Variants in EPS15 observed in about 807,000 individuals in gnomAD.
EPS15 encodes the protein epidermal growth factor receptor substrate 15.
EPS15 carries 72 observed loss-of-function variants against 113.8 expected under a neutral mutation model. The ratio of observed to expected loss-of-function variants is 0.63; its 90% CI spans 0.52 to 0.77. The LOEUF (loss-of-function observed/expected upper bound fraction) is 0.77. Ranked by LOEUF, EPS15 falls within the 30% of genes least tolerant of loss-of-function variation. The pLI is 0.00. For synonymous variants in EPS15, 344 were observed against 363.4 expected, an observed-to-expected ratio of 0.95 and a Z score of 0.61; for missense variants, 1,048 against 1,045.8, an observed-to-expected ratio of 1.00 and a Z score of -0.03.
chr1:51,511,218 G>A (rs1218682972), intron 1 of EPS15, among the ~76,000 whole-genome samples: 3 of 151,492 alleles, frequency 2.0e-5, no homozygotes, highest in African/African-American at 7.3e-5. Flanking sequence ...GATTTGGCCG[G>A]GCGCAGTGGC....
chr1:51,455,217 C>G (rs940942069), intron 8 of EPS15, among the ~76,000 whole-genome samples: 1 of 152,304 alleles, frequency 6.6e-6, no homozygotes, highest in South Asian at 2.1e-4. Context: ...TAAACTTTAA[C>G]ATAATTATCA....
chr1:51,412,214 G>T (rs1046158491), intron 13 of EPS15, among the ~76,000 whole-genome samples: 1 of 152,256 alleles, frequency 6.6e-6, no homozygotes, highest in Non-Finnish European at 1.5e-5. Context: ...GTCGGGAGGT[G>T]GGGGACAAGG....
chr1:51,409,451 CA>C (rs1649482964), intron 14 of EPS15, 83 bp downstream of exon 14: 1 of 1,341,998 alleles, frequency 7.5e-7, no homozygotes. Flanking sequence ...CCATCAATAA[CA>C]AAAAGTAGAG....
intron 21 of EPS15, among the ~76,000 whole-genome samples, chr1:51,381,465 C>T (rs914907958): frequency 5.9e-5 from 9 of 152,036 alleles, no homozygotes; most frequent in East Asian, 5.8e-4. Context: ...TGGTGGTGGG[C>T]GCCTATAGTC....
At chr1:51,460,583 C>G (rs1313510375) in intron 8 of EPS15, among the ~76,000 whole-genome samples, 2 of 151,852 alleles carry the variant, frequency 1.3e-5, no homozygotes, top group East Asian at 3.9e-4. Flanking sequence ...TACCTTAAAG[C>G]CAAATAAAAT....
chr1:51,516,933 A>G (rs1228670060), intron 1 of EPS15, among the ~76,000 whole-genome samples: 1 of 152,210 alleles, frequency 6.6e-6, no homozygotes, highest in African/African-American at 2.4e-5. Flanking sequence ...TCACTTGAGT[A>G]TGCCTATGTC....
chr1:51,494,458 C>T (rs1324350447), intron 1 of EPS15, among the ~76,000 whole-genome samples: 1 of 152,224 alleles, frequency 6.6e-6, no homozygotes, highest in African/African-American at 2.4e-5. Context: ...AATTCCCTTG[C>T]TCCTCTTGTC....
intron 20 of EPS15, among the ~76,000 whole-genome samples, chr1:51,394,903 G>T (rs1647774355): frequency 6.6e-6 from 1 of 152,064 alleles, no homozygotes; most frequent in South Asian, 2.1e-4. Flanking sequence ...TGTCACCCCA[G>T]CTGGAATGCA....
chr1:51,413,289 G>T (rs1376996300), intron 13 of EPS15, among the ~76,000 whole-genome samples: 2 of 152,126 alleles, frequency 1.3e-5, no homozygotes, highest in Non-Finnish European at 1.5e-5. Context: ...TCTACTGTTT[G>T]TTCCTAACCT....
At chr1:51,404,083 A>AC (rs544665183) in intron 16 of EPS15, among the ~76,000 whole-genome samples, 26 of 152,268 alleles carry the variant, frequency 1.7e-4, no homozygotes, top group African/African-American at 5.5e-4. Context: ...GCAGTGGCTC[A>AC]CACCTGTAAT....
chr1:51,443,801 C>T (rs931012049), intron 11 of EPS15, among the ~76,000 whole-genome samples: 4 of 151,732 alleles, frequency 2.6e-5, no homozygotes, highest in African/African-American at 4.8e-5. Flanking sequence ...TACAGGTACA[C>T]GCCAACGCAC....
At chr1:51,428,088 T>A (rs1651377734) in intron 12 of EPS15, among the ~76,000 whole-genome samples, 1 of 151,790 alleles carries the variant, frequency 6.6e-6, no homozygotes, top group Non-Finnish European at 1.5e-5. Context: ...ATGATATATT[T>A]AAAGTGCTGG....
rs1157201877 is a variant in EPS15, at chr1:51,518,772, G to T, written c.33+427C>A. Among the ~76,000 whole-genome samples, 6 of 151,964 alleles carry T rather than the reference G, an allele frequency of 3.9e-5. No homozygotes were observed. The East Asian group carries it at 1.2e-3, about 29-fold the overall frequency. ...GCAGCCGGCCTGGCGGGCGAGCCTC[G>T]TGCGGCCCGGGGGTGCGGCCGGCCC... On this transcript the variant is annotated intron_variant, in intron 1 of 24. Transcript: ENST00000371733.
intron 3 of EPS15, among the ~76,000 whole-genome samples, chr1:51,472,256 TC>T (rs1655296399): frequency 6.6e-6 from 1 of 152,186 alleles, no homozygotes; most frequent in Non-Finnish European, 1.5e-5. Flanking sequence ...TTTTCATTAA[TC>T]CAAGTTCTAA....
intron 1 of EPS15, among the ~76,000 whole-genome samples, chr1:51,514,789 T>C (rs1327857053): frequency 1.3e-5 from 2 of 152,226 alleles, no homozygotes; most frequent in Non-Finnish European, 2.9e-5. Context: ...TCCCAAGTGC[T>C]GAACATTTCA....
chr1:51,519,090 G>A (rs1644792135), intron 1 of EPS15, 109 bp downstream of exon 1: 2 of 726,006 alleles, frequency 2.8e-6, no homozygotes, highest in Admixed American at 4.2e-5. Flanking sequence ...CGGCCCACAA[G>A]CCAAGAAGCT....
At position 51,354,888 on chromosome 1, in the gene EPS15, C is replaced by T. The variant is rs1646186555; in HGVS notation, c.*1812G>A. 1 of 202,424 alleles carries T rather than the reference C, an allele frequency of 4.9e-6. No individual in the cohort carries two copies. The highest frequency in any genetic ancestry group is 7.6e-5 in the East Asian group (1 of 13,140). 12.5% of individuals were successfully genotyped at this position (202,424 alleles called of 1,614,324 possible). The stretch of plus-strand genomic sequence containing the variant: ...AGTTTAATTGAAAATTTTTTTGAAG[C>T]ATTTAAACATTTGCTTATTTTCCCA... On this transcript the variant is annotated 3_prime_UTR_variant, in exon 25 of 25. Transcript: ENST00000371733.
At chr1:51,458,735 TA>T (rs770011870) in intron 8 of EPS15, 11,617 of 184,370 alleles carry the variant, frequency 0.063, no homozygotes, top group South Asian at 0.19. Flanking sequence ...AGACTCCGTC[TA>T]AAAAAAAAAA....
chr1:51,497,284 T>C (rs375526468), intron 1 of EPS15, among the ~76,000 whole-genome samples: 1 of 152,216 alleles, frequency 6.6e-6, no homozygotes, highest in Non-Finnish European at 1.5e-5. Flanking sequence ...CAAATTTCTT[T>C]TGTCATTCTC....
Sources: gnomAD v4.1 joint callset for allele counts (sites outside exome capture counted in the v4.1 genomes callset) on GRCh38, gnomAD v4.1.1 for gene constraint, MANE v1.5 for transcripts, NCBI Gene and HGNC (gene_info 2026-07-23, HGNC 2026-07-21) for gene names.